The following PREX1 variants were observed in gnomAD, a reference collection of about 807,000 sequenced individuals.
PREX1 encodes phosphatidylinositol 3,4,5-trisphosphate-dependent Rac exchanger 1 protein.
PREX1 carries 41 observed loss-of-function variants against 198.3 expected under a neutral mutation model. That is an observed-to-expected ratio of 0.21 (90% CI 0.16 to 0.27). PREX1 has a LOEUF of 0.27. Ranked by LOEUF, PREX1 falls within the 10% of genes least tolerant of loss-of-function variation. PREX1 has a pLI of 1.00. For synonymous variants in PREX1, 843 were observed against 887.2 expected, an observed-to-expected ratio of 0.95 and a Z score of 0.89; for missense variants, 1,620 against 2,200.7, an observed-to-expected ratio of 0.74 and a Z score of 5.28.
At chr20:48,873,642 C>T in the PREX1 span, among the ~76,000 whole-genome samples, 1 of 151,214 alleles carries the variant, frequency 6.6e-6, no homozygotes, top group South Asian at 2.1e-4. Context: ...ATAGCTTGAA[C>T]CCTGGAGGTG....
At chr20:48,832,452 C>G (rs1046962491), upstream of PREX1, among the ~76,000 whole-genome samples, 16 of 152,104 alleles carry the variant, frequency 1.1e-4, no homozygotes, top group African/African-American at 3.9e-4. Flanking sequence ...GTTGAATGAG[C>G]CAATTGAGAA....
intron 7 of PREX1, among the ~76,000 whole-genome samples, chr20:48,697,577 G>A (rs577556117): frequency 6.6e-6 from 1 of 151,898 alleles, no homozygotes; most frequent in Admixed American, 6.6e-5. Context: ...GAGATGGGGG[G>A]GTTTCACTGT....
intron 7 of PREX1, among the ~76,000 whole-genome samples, chr20:48,695,205 C>T (rs2089839228): frequency 1.3e-5 from 2 of 152,170 alleles, no homozygotes. Context: ...TGTCCTGAGT[C>T]TAACCCCATA....
At chr20:48,864,024 A>C in the PREX1 span, among the ~76,000 whole-genome samples, 1 of 152,200 alleles carries the variant, frequency 6.6e-6, no homozygotes, top group Non-Finnish European at 1.5e-5. Flanking sequence ...TCAACTATTG[A>C]AGGATATCTT....
intron 1 of PREX1, among the ~76,000 whole-genome samples, chr20:48,791,551 ACCAGCTG>A (rs1024130196): frequency 6.6e-6 from 1 of 152,178 alleles, no homozygotes; most frequent in African/African-American, 2.4e-5. Flanking sequence ...TCCCAAGATG[ACCAGCTG>A]CCATGGGGGT....
chr20:48,725,859 G>T (rs1032803864), intron 5 of PREX1, among the ~76,000 whole-genome samples: 7 of 152,196 alleles, frequency 4.6e-5, no homozygotes, highest in African/African-American at 1.7e-4. Flanking sequence ...GGTAAAGCAC[G>T]GGTCTAAGCT....
chr20:48,833,882 G>C, the PREX1 span, among the ~76,000 whole-genome samples: 1 of 152,176 alleles, frequency 6.6e-6, no homozygotes, highest in South Asian at 2.1e-4. Flanking sequence ...AGGAAATTGA[G>C]ACCATCCTGG....
At chr20:48,650,843 A>G in intron 23 of PREX1, 51 bp downstream of exon 23, 2 of 1,590,958 alleles carry the variant, frequency 1.3e-6, no homozygotes, top group Non-Finnish European at 1.7e-6. Flanking sequence ...CCAGGCTGAG[A>G]TGCTATGTCT....
At chr20:48,720,563 G>A (rs914144107) in intron 5 of PREX1, among the ~76,000 whole-genome samples, 8 of 152,142 alleles carry the variant, frequency 5.3e-5, no homozygotes, top group African/African-American at 2.4e-5. Context: ...GTATTCTACT[G>A]TGTGAGTCAC....
intron 15 of PREX1, among the ~76,000 whole-genome samples, chr20:48,662,060 G>C (rs552509711): frequency 6.6e-6 from 1 of 152,306 alleles, no homozygotes; most frequent in South Asian, 2.1e-4. Context: ...GTGGAAAGCA[G>C]CCGGGGGCAT....
chr20:48,709,587 A>G (rs2089921267), intron 5 of PREX1, among the ~76,000 whole-genome samples: 1 of 152,234 alleles, frequency 6.6e-6, no homozygotes. Flanking sequence ...TAGACCATTT[A>G]ACAGATGGGC....
At chr20:48,786,840 A>AC (rs2090314833) in intron 1 of PREX1, among the ~76,000 whole-genome samples, 1 of 9,980 alleles carries the variant, frequency 1.0e-4, no homozygotes, top group Non-Finnish European at 2.4e-4. Flanking sequence ...AGAAAGAAAG[A>AC]AAAAGAGAGA....
At chr20:48,638,311 C>T (rs949522584) in intron 30 of PREX1, among the ~76,000 whole-genome samples, 1 of 152,154 alleles carries the variant, frequency 6.6e-6, no homozygotes, top group East Asian at 1.9e-4. Flanking sequence ...CACACATCCA[C>T]ACAGACACAC....
intron 5 of PREX1, among the ~76,000 whole-genome samples, chr20:48,713,351 C>A (rs912326541): frequency 1.1e-4 from 16 of 151,804 alleles, no homozygotes; most frequent in African/African-American, 3.6e-4. Context: ...ACTTGGGAGG[C>A]TGAGGCAGGA....
intron 5 of PREX1, among the ~76,000 whole-genome samples, chr20:48,709,644 G>A (rs550609480): frequency 6.6e-6 from 1 of 152,326 alleles, no homozygotes; most frequent in Admixed American, 6.5e-5. Context: ...GAAGTACAAG[G>A]AGGAACTGGG....
chr20:48,689,989 A>G (rs2089809118), intron 9 of PREX1, among the ~76,000 whole-genome samples: 1 of 152,172 alleles, frequency 6.6e-6, no homozygotes, highest in Non-Finnish European at 1.5e-5. Flanking sequence ...TTTGGGGAGC[A>G]GGTGTTGCAG....
chr20:48,734,528 G>A lies in PREX1; in HGVS notation c.519+18C>T. 6.2e-7 allele frequency: 1 copy of A among 1,607,760 alleles called. No individual in the cohort carries two copies. The highest frequency in any genetic ancestry group is 1.7e-4 in the Middle Eastern group (1 of 5,990). On this transcript the variant is annotated intron_variant, in intron 4 of 39. Coordinates refer to ENST00000371941, the MANE Select transcript of PREX1 (RefSeq NM_020820.4). The stretch of plus-strand genomic sequence containing the variant: ...AGGCCGAGTGCAAGGGAGCACCAGG[G>A]CTGACGGGTCAACTTACCAAAAGGA...
chr20:48,836,200 G>A, the PREX1 span, among the ~76,000 whole-genome samples: 2 of 152,198 alleles, frequency 1.3e-5, no homozygotes, highest in African/African-American at 4.8e-5. Context: ...CAAGTCAGAT[G>A]TTGAGTGGGC....
rs199531208 is a variant in PREX1 at position 48,723,549 on chromosome 20, C to T, written c.621+2741G>A. ...GTTCTCTCCCAAACAGCACCCCCCA[C>T]CCCACAATCTCCTACTTGATAAACA... On this transcript the variant is annotated intron_variant, in intron 5 of 39. Coordinates refer to ENST00000371941, the MANE Select transcript of PREX1 (RefSeq NM_020820.4). 4.6e-5 allele frequency among the ~76,000 whole-genome samples: 7 copies of T among 152,288 alleles called. No homozygotes were observed. In the East Asian group the frequency reaches 1.3e-3, roughly 29 times the overall value.
Sources: gnomAD v4.1 joint callset for allele counts (sites outside exome capture counted in the v4.1 genomes callset) on GRCh38, gnomAD v4.1.1 for gene constraint, MANE v1.5 for transcripts, NCBI Gene and HGNC (gene_info 2026-07-23, HGNC 2026-07-21) for gene names.